The following PIEZO2 variants were observed in gnomAD, a reference collection of about 807,000 sequenced individuals.
The protein encoded by PIEZO2 is piezo-type mechanosensitive ion channel component 2.
Under a neutral mutation model 337.3 loss-of-function variants are expected in PIEZO2, and 172 were observed. The ratio of observed to expected loss-of-function variants is 0.51; its 90% CI spans 0.45 to 0.58. The LOEUF is 0.58. Ranked by LOEUF, PIEZO2 falls within the 20% of genes least tolerant of loss-of-function variation. The probability of loss-of-function intolerance (pLI) is 0.00; values close to 1 mark genes in which losing one functional copy is unlikely to be tolerated. For missense variants in PIEZO2, 3,028 were observed against 3,391.3 expected, an observed-to-expected ratio of 0.89 and a Z score of 2.66; for synonymous variants, 1,251 against 1,228.5, an observed-to-expected ratio of 1.02 and a Z score of -0.38.
Position 11,116,572 on chromosome 18 carries a change from G to T in PIEZO2, c.64+31953C>A, listed in dbSNP as rs889490532. 6.6e-6 allele frequency among the ~76,000 whole-genome samples: 1 copy of T among 151,844 alleles called. No individual in the cohort carries two copies. Among genetic ancestry groups the T allele is most frequent in the Admixed American group, 6.6e-5 (1 of 15,246 alleles). On this transcript the variant is annotated intron_variant, in intron 1 of 55. Coordinates refer to ENST00000674853, the MANE Select transcript of PIEZO2 (RefSeq NM_001378183.1). This position sits in a 1 kb window ranked among gnomAD's most constrained non-coding sequence, Gnocchi z 5.0. ...ACTAAAAAAAATTAAAAAATTAGCCGGGCGTGGTGGCGGGGGGCCTGTAGT... is the reference window on the plus strand; with the variant it reads ...ACTAAAAAAAATTAAAAAATTAGCCTGGCGTGGTGGCGGGGGGCCTGTAGT...
At chr18:11,134,671 T>C (rs2040432159) in intron 1 of PIEZO2, among the ~76,000 whole-genome samples, 1 of 152,222 alleles carries the variant, frequency 6.6e-6, no homozygotes, top group African/African-American at 2.4e-5. Context: ...TGTACTAAAC[T>C]CTTAGAAATT....
At chr18:10,909,660 A>G (rs1431141108) in intron 4 of PIEZO2, among the ~76,000 whole-genome samples, 1 of 152,238 alleles carries the variant, frequency 6.6e-6, no homozygotes, top group African/African-American at 2.4e-5. Flanking sequence ...GCAAAGACTT[A>G]TTGGAGCTGG....
At chr18:10,764,413 G>T (rs543935473) in intron 21 of PIEZO2, among the ~76,000 whole-genome samples, 2 of 152,188 alleles carry the variant, frequency 1.3e-5, no homozygotes, top group Admixed American at 6.5e-5. Context: ...AGGCCAAGGT[G>T]GGTGGATCAC....
chr18:10,735,773 G>A (rs2036971511), intron 34 of PIEZO2, among the ~76,000 whole-genome samples: 1 of 152,132 alleles, frequency 6.6e-6, no homozygotes, highest in African/African-American at 2.4e-5. Context: ...AACAAGCATG[G>A]ATGGGCCCCA....
intron 7 of PIEZO2, among the ~76,000 whole-genome samples, chr18:10,817,539 A>C (rs1221168029): frequency 1.3e-5 from 2 of 152,206 alleles, no homozygotes; most frequent in African/African-American, 4.8e-5. Flanking sequence ...CTATAAGACA[A>C]TTTGATTATG....
intron 21 of PIEZO2, among the ~76,000 whole-genome samples, chr18:10,764,080 A>G (rs2038253279): frequency 6.6e-6 from 1 of 152,164 alleles, no homozygotes; most frequent in South Asian, 2.1e-4. Flanking sequence ...GAGTTCGTTG[A>G]TCAGGCCAGA....
intron 4 of PIEZO2, among the ~76,000 whole-genome samples, chr18:10,910,444 G>A (rs1199545272): frequency 6.6e-6 from 1 of 152,122 alleles, no homozygotes; most frequent in Non-Finnish European, 1.5e-5. Context: ...TAAGCTGGGT[G>A]TGGTGGTGGG....
At chr18:11,062,682 G>C (rs2145904124) in intron 2 of PIEZO2, among the ~76,000 whole-genome samples, 1 of 152,320 alleles carries the variant, frequency 6.6e-6, no homozygotes, top group Non-Finnish European at 1.5e-5. Context: ...CTGGCCATCA[G>C]AGAAATGCAA....
intron 22 of PIEZO2, 30 bp from the exon 23 acceptor site, chr18:10,762,655 A>T: frequency 6.5e-7 from 1 of 1,532,958 alleles, no homozygotes; most frequent in Non-Finnish European, 8.7e-7. Context: ...GAGTAAAAAA[A>T]AATAGCTCCA....
rs150088774 is a variant in PIEZO2, at chr18:10,936,937, C to T, written c.287-25709G>A. Among the ~76,000 whole-genome samples, 756 of 152,166 alleles carry T rather than the reference C, an allele frequency of 5.0e-3. 12 individuals are homozygous for T. Among genetic ancestry groups the T allele is most frequent in the African/African-American group, 0.017 (713 of 41,506 alleles). ...AGCTACTGACTCCCTCCTTGTGAATCCCCCCATGACTTCTTCCCTTACGGT... is the reference window on the plus strand; with the variant it reads ...AGCTACTGACTCCCTCCTTGTGAATTCCCCCATGACTTCTTCCCTTACGGT... On this transcript the variant is annotated intron_variant, in intron 3 of 55. Transcript: ENST00000674853.
At position 10,795,156 on chromosome 18, in the gene PIEZO2, G is replaced by A. The variant is rs192912902; in HGVS notation, c.1528-154C>T. ...GGTGGAGTGATGGAGACCCCAAGCC[G>A]TGGAGTGGTGGCTTGGAAGGCAGGA... On this transcript the variant is annotated intron_variant, in intron 12 of 55. Transcript: ENST00000674853. The surrounding 1 kb of genome is among the most constrained non-coding windows in gnomAD (Gnocchi z 4.4). 2.4e-4 allele frequency among the ~76,000 whole-genome samples: 37 copies of A among 152,270 alleles called. No individual in the cohort carries two copies. The highest frequency in any genetic ancestry group is 7.9e-4 in the African/African-American group (33 of 41,552).
In PIEZO2 at chr18:10,704,427, G is replaced by C; in HGVS notation, c.6225C>G (p.Arg2075=). Residue 2075 remains arginine (R), a synonymous_variant, in exon 42 of 56, where the codon CGC becomes CGG. Transcript: ENST00000674853. ...AGACGATGGCCATCATCCAGAACCG[G>C]CGGCTGGGCCTGGGGACGGACAACA... ...WAMLSVPRPS[R]RFWMMAIVYT... is the part of the protein sequence containing the mutation. 4 of 1,537,212 alleles carry C rather than the reference G, an allele frequency of 2.6e-6. No homozygotes were observed. Among genetic ancestry groups the C allele is most frequent in the Non-Finnish European group, 3.5e-6 (4 of 1,146,904 alleles).
chr18:10,674,719 A>T (rs1486009589), intron 54 of PIEZO2, among the ~76,000 whole-genome samples: 1 of 152,260 alleles, frequency 6.6e-6, no homozygotes, highest in Admixed American at 6.5e-5. Flanking sequence ...GCAATTCTTG[A>T]TAATTAATAG....
Position 10,726,515 on chromosome 18 carries a change from T to A in PIEZO2, c.5029+4892A>T. 1 of 1,483,520 alleles carries A rather than the reference T, an allele frequency of 6.7e-7. No homozygotes were observed. The highest frequency in any genetic ancestry group is 1.3e-5 in the South Asian group (1 of 74,742). The allele number at this position is 1,483,520 out of a possible 1,614,324, so 91.9% of individuals were successfully genotyped here. ...GCTGCTCCGCAAGCAGCCGTTCCTG[T>A]GGCGCGCTGCGCTGCTCTGCTCTGC... is the stretch of plus-strand genomic sequence containing the variant. On this transcript the variant is annotated intron_variant, in intron 36 of 55. Transcript: ENST00000674853. This position sits in a 1 kb window ranked among gnomAD's most constrained non-coding sequence, Gnocchi z 5.9.
At chr18:11,015,265 TC>T (rs1756677576) in intron 2 of PIEZO2, among the ~76,000 whole-genome samples, 1 of 151,418 alleles carries the variant, frequency 6.6e-6, no homozygotes, top group African/African-American at 2.4e-5. Flanking sequence ...GGGACAGCAA[TC>T]CAGGGCCCCC....
rs2038989812 is a variant in PIEZO2 at position 10,781,720 on chromosome 18, C to T, written c.2493-1354G>A. On this transcript the variant is annotated intron_variant, in intron 17 of 55. Transcript: ENST00000674853. The surrounding 1 kb of genome is among the most constrained non-coding windows in gnomAD (Gnocchi z 4.1). ...AACATAATAAATTCTGCTTCATACA[C>T]AAGTGACATGTGCCTACATTACATC... is the stretch of plus-strand genomic sequence containing the variant. Among the ~76,000 whole-genome samples the T allele has an allele frequency of 6.6e-6, 1 of 152,168 alleles. No homozygotes were observed.
In PIEZO2 at chr18:10,773,959, T is replaced by C. The variant is rs370975839; in HGVS notation, c.2567+47A>G. On this transcript the variant is annotated intron_variant, in intron 19 of 55. Coordinates refer to ENST00000674853, the MANE Select transcript of PIEZO2 (RefSeq NM_001378183.1). The surrounding 1 kb of genome is among the most constrained non-coding windows in gnomAD (Gnocchi z 5.3). ...GAGTTTAGGGTGTAGAAGCATGAAA[T>C]GGCATCATGTAGAGCAAGCATTTCA... 8 of 702,140 alleles carry C rather than the reference T, an allele frequency of 1.1e-5. No homozygotes were observed. Among genetic ancestry groups the C allele is most frequent in the African/African-American group, 1.7e-5 (1 of 57,152 alleles). 43.5% of individuals were successfully genotyped at this position (702,140 alleles called of 1,614,324 possible). A position where few individuals can be genotyped will look rare whatever the true frequency, so the allele number is the denominator to read the frequency against.
chr18:11,092,656 T>C lies in PIEZO2; in HGVS notation c.65-26434A>G, dbSNP rs935641237. On this transcript the variant is annotated intron_variant, in intron 1 of 55. Transcript: ENST00000674853. The surrounding 1 kb of genome is among the most constrained non-coding windows in gnomAD (Gnocchi z 4.5). Reference sequence around the variant, plus strand: ...ATAAATGTAATTGGACAAGGCAACCTGATCCAAACCTTGGATCCTGAAAAA... The same window carrying C: ...ATAAATGTAATTGGACAAGGCAACCCGATCCAAACCTTGGATCCTGAAAAA... 1.3e-5 allele frequency among the ~76,000 whole-genome samples: 2 copies of C among 152,212 alleles called. No individual in the cohort carries two copies. Among genetic ancestry groups the C allele is most frequent in the African/African-American group, 2.4e-5 (1 of 41,468 alleles).
Position 11,099,303 on chromosome 18 carries a change from T to C in PIEZO2, c.65-33081A>G, listed in dbSNP as rs574934093. Among the ~76,000 whole-genome samples the C allele has an allele frequency of 2.6e-5, 4 of 152,314 alleles. 1 individual carries two copies. Among genetic ancestry groups the C allele is most frequent in the South Asian group, 2.1e-4 (1 of 4,828 alleles). On this transcript the variant is annotated intron_variant, in intron 1 of 55. Transcript: ENST00000674853. This position sits in a 1 kb window ranked among gnomAD's most constrained non-coding sequence, Gnocchi z 5.4. ...GCATATTTTAAATTTTGATAGACAA[T>C]ATCAAACTTGTCTCCAAAAAACAAA...
Sources: allele counts gnomAD v4.1 joint callset (sites outside exome capture counted in the v4.1 genomes callset), GRCh38; gene constraint gnomAD v4.1.1; non-coding constraint Gnocchi (gnomAD v3.1); transcripts MANE v1.5; gene names NCBI Gene and HGNC (gene_info 2026-07-23, HGNC 2026-07-21).